Variants in TMCC2 observed in about 807,000 individuals in gnomAD.
The protein encoded by TMCC2 is transmembrane and coiled-coil domains protein 2.
TMCC2 carries 16 observed loss-of-function variants against 49.4 expected under a neutral mutation model. That is an observed-to-expected ratio of 0.32 (90% CI 0.22 to 0.49). The LOEUF is 0.49. Ranked by LOEUF, TMCC2 falls within the 20% of genes least tolerant of loss-of-function variation. TMCC2 has a pLI of 0.99. For synonymous variants in TMCC2, 397 were observed against 434.1 expected, an observed-to-expected ratio of 0.91 and a Z score of 1.06; for missense variants, 762 against 989.8, an observed-to-expected ratio of 0.77 and a Z score of 3.09.
At position 205,228,675 on chromosome 1, in the gene TMCC2, G is replaced by T; in HGVS notation, c.111G>T (p.Glu37Asp). The change falls in exon 1 of 5, where the codon GAG becomes GAT. Residue 37 changes from glutamate to aspartate, a missense_variant. Glu to Asp is a conservative substitution (Grantham distance 45). Coordinates refer to ENST00000358024, the MANE Select transcript of TMCC2 (RefSeq NM_014858.4). Reference sequence around the variant, plus strand: ...CGGGCGCGGACCTCCGGCCTGGGGAGACCACGGGTGCTAACTCTGCTGGCG... The same window carrying T: ...CGGGCGCGGACCTCCGGCCTGGGGATACCACGGGTGCTAACTCTGCTGGCG... Reference protein sequence around the residue: ...HLPGADLRPGETTGANSAGGP... With the variant: ...HLPGADLRPGDTTGANSAGGP... The T allele has an allele frequency of 1.2e-6, 2 of 1,613,006 alleles. No homozygotes were observed. Among genetic ancestry groups the T allele is most frequent in the South Asian group, 1.1e-5 (1 of 91,062 alleles).
intron 2 of TMCC2, among the ~76,000 whole-genome samples, chr1:205,253,281 G>A (rs1373630418): frequency 1.3e-5 from 2 of 152,124 alleles, no homozygotes; most frequent in African/African-American, 4.8e-5. Context: ...TAAAAATTAA[G>A]GGAAGAGAAA....
intron 1 of TMCC2, chr1:205,229,002 T>C: frequency 7.4e-7 from 1 of 1,356,738 alleles, no homozygotes; most frequent in Non-Finnish European, 9.5e-7. Context: ...AGCAAGCGTT[T>C]TAGTGACTCA....
intron 2 of TMCC2, 132 bp from the exon 3 acceptor site, chr1:205,268,818 C>G: frequency 3.6e-6 from 3 of 841,412 alleles, no homozygotes; most frequent in South Asian, 3.4e-5. Context: ...GGATACTGCT[C>G]TTGTGGTGGT....
chr1:205,228,494 A>AT lies in TMCC2; in HGVS notation c.-71_-70insT, dbSNP rs1659656688. 1.6e-5 allele frequency: 22 copies of AT among 1,358,372 alleles called. No individual in the cohort carries two copies. In the South Asian group the frequency reaches 2.8e-4, roughly 17 times the overall value. 84.1% of individuals were successfully genotyped at this position (1,358,372 alleles called of 1,614,324 possible). A position where few individuals can be genotyped will look rare whatever the true frequency, so the allele number is the denominator to read the frequency against. ...TAGACCCCAGGCCTCATATGAATAT[A>AT]AGAGGGGGTGCGGTCTTCCCCAAGA... is the stretch of plus-strand genomic sequence containing the variant. On this transcript the variant is annotated 5_prime_UTR_variant, in exon 1 of 5. The change creates a premature stop within an existing upstream ORF in the 5' untranslated region. Transcript: ENST00000358024.
chr1:205,229,354 A>G (rs1429759059), intron 1 of TMCC2, among the ~76,000 whole-genome samples: 2 of 151,330 alleles, frequency 1.3e-5, no homozygotes, highest in African/African-American at 4.9e-5. Context: ...ACGCCCGGGT[A>G]ATTTTTGTAT....
intron 1 of TMCC2, among the ~76,000 whole-genome samples, chr1:205,234,596 C>G (rs561532234): frequency 6.6e-6 from 1 of 152,240 alleles, no homozygotes; most frequent in South Asian, 2.1e-4. Context: ...CTTAGAGCAT[C>G]ATGCAGTGCA....
intron 2 of TMCC2, among the ~76,000 whole-genome samples, chr1:205,245,297 G>A (rs924160827): frequency 1.3e-5 from 2 of 152,206 alleles, no homozygotes; most frequent in African/African-American, 4.8e-5. Context: ...GCCTGCAGGG[G>A]CCCAAGTGCT....
intron 1 of TMCC2, among the ~76,000 whole-genome samples, chr1:205,239,063 G>C (rs1429562936): frequency 6.6e-6 from 1 of 152,050 alleles, no homozygotes; most frequent in South Asian, 2.1e-4. Context: ...ATAGGGGAGA[G>C]GAAATGCCTC....
rs116109588 is a variant in TMCC2, at chr1:205,233,585, C to T, written c.207+4814C>T. 5.1e-3 allele frequency among the ~76,000 whole-genome samples: 776 copies of T among 152,226 alleles called. 10 individuals are homozygous for T. The highest frequency in any genetic ancestry group is 0.017 in the African/African-American group (718 of 41,524). On this transcript the variant is annotated intron_variant, in intron 1 of 4. Transcript: ENST00000358024. ...TTCCTTCACCACTCCTGCAGAGAGC[C>T]CACTAGAGAAGGGTTCATGCAGTCA...
intron 2 of TMCC2, among the ~76,000 whole-genome samples, chr1:205,244,337 AG>A (rs990029243): frequency 6.6e-6 from 1 of 152,182 alleles, no homozygotes; most frequent in Non-Finnish European, 1.5e-5. Context: ...AGTAGGTGAA[AG>A]GGTGTGAGAT....
At chr1:205,256,319 A>G (rs779255267) in intron 2 of TMCC2, 195 of 1,550,084 alleles carry the variant, frequency 1.3e-4, no homozygotes, top group Middle Eastern at 1.8e-4. Flanking sequence ...CTCACTGCTC[A>G]TTGTCCTCAG....
intron 2 of TMCC2, among the ~76,000 whole-genome samples, chr1:205,246,302 T>TGGGGGGG (rs1660450352): frequency 1.1e-4 from 1 of 8,976 alleles, no homozygotes; most frequent in Non-Finnish European, 2.3e-4. Context: ...GGGTGTGAGG[T>TGGGGGGG]GGGGGCGGGG....
At chr1:205,260,478 C>A (rs940374341) in intron 2 of TMCC2, among the ~76,000 whole-genome samples, 1 of 152,228 alleles carries the variant, frequency 6.6e-6, no homozygotes, top group Non-Finnish European at 1.5e-5. Context: ...CCCTACTAAA[C>A]CTGACACAGT....
intron 2 of TMCC2, among the ~76,000 whole-genome samples, chr1:205,243,415 A>G (rs1660345442): frequency 6.6e-6 from 1 of 151,752 alleles, no homozygotes; most frequent in South Asian, 2.1e-4. Context: ...AAAAAAAATC[A>G]GTAGATTGGG....
rs555253251 is a variant in TMCC2, at chr1:205,268,279, AG to A, written c.748-669del. 1.4e-4 allele frequency among the ~76,000 whole-genome samples: 21 copies of A among 152,338 alleles called. No individual in the cohort carries two copies. The South Asian group carries it at 4.3e-3, about 32-fold the overall frequency. On this transcript the variant is annotated intron_variant, in intron 2 of 4. Coordinates refer to ENST00000358024, the MANE Select transcript of TMCC2 (RefSeq NM_014858.4). ...GAAATCCAACCCCATGACTCCAGTG[AG>A]GCCTCAGACCTGCCTGGTCCATGTG...
chr1:205,263,071 C>G (rs1014633303), intron 2 of TMCC2, among the ~76,000 whole-genome samples: 1 of 151,994 alleles, frequency 6.6e-6, no homozygotes, highest in African/African-American at 2.4e-5. Context: ...TCAAGCACCC[C>G]CCACCGCCTC....
chr1:205,231,905 G>A lies in TMCC2; in HGVS notation c.207+3134G>A, dbSNP rs187405735. Reference sequence around the variant, plus strand: ...AGCTCCAGGCACTGTGATGAATTAAGTGCATTGGAAGAAATCATCTTGAGA... The same window carrying A: ...AGCTCCAGGCACTGTGATGAATTAAATGCATTGGAAGAAATCATCTTGAGA... On this transcript the variant is annotated intron_variant, in intron 1 of 4. Coordinates refer to ENST00000358024, the MANE Select transcript of TMCC2 (RefSeq NM_014858.4). Among the ~76,000 whole-genome samples the A allele has an allele frequency of 2.9e-3, 440 of 152,210 alleles. 7 individuals are homozygous for A. The Middle Eastern group carries it at 0.034, about 12-fold the overall frequency.
intron 2 of TMCC2, among the ~76,000 whole-genome samples, chr1:205,259,507 C>T (rs1661018009): frequency 6.6e-6 from 1 of 152,184 alleles, no homozygotes. Flanking sequence ...TCCCAATTTA[C>T]ATAGCTAGTG....
chr1:205,230,795 C>T (rs1024212548), intron 1 of TMCC2, among the ~76,000 whole-genome samples: 1 of 152,024 alleles, frequency 6.6e-6, no homozygotes, highest in Non-Finnish European at 1.5e-5. Flanking sequence ...AGGGATGCCA[C>T]GTTTCCACTC....
Sources: allele counts gnomAD v4.1 joint callset (sites outside exome capture counted in the v4.1 genomes callset), GRCh38; gene constraint gnomAD v4.1.1; transcripts MANE v1.5; gene names NCBI Gene and HGNC (gene_info 2026-07-23, HGNC 2026-07-21).